Variants in EVC2 observed in about 807,000 individuals in gnomAD.
The protein encoded by EVC2 is limbin.
EVC2 carries 148 observed loss-of-function variants against 149.3 expected under a neutral mutation model. That is an observed-to-expected ratio of 0.99 (90% CI 0.87 to 1.14). The LOEUF (loss-of-function observed/expected upper bound fraction) is 1.14. Among genes scored for constraint, EVC2 ranks in the 50% most tolerant of loss-of-function variants. The pLI is 0.00. For synonymous variants in EVC2, 776 were observed against 649.9 expected (o/e 1.19, Z -2.95); for missense variants, 1,854 against 1,627.3 (o/e 1.14, Z -2.40).
At chr4:5,647,327 G>A (rs567040166) in intron 9 of EVC2, among the ~76,000 whole-genome samples, 1 of 152,272 alleles carries the variant, frequency 6.6e-6, no homozygotes, top group Admixed American at 6.5e-5. Flanking sequence ...ACTATGAAAT[G>A]GAAGATTTTT....
chr4:5,623,752 T>G (rs1384072913), intron 13 of EVC2, among the ~76,000 whole-genome samples: 1 of 152,170 alleles, frequency 6.6e-6, no homozygotes, highest in Non-Finnish European at 1.5e-5. Flanking sequence ...TGGGTTCCAG[T>G]CCTGGCTCCT....
downstream of EVC2, among the ~76,000 whole-genome samples, chr4:5,560,413 C>T (rs572094292): frequency 1.1e-3 from 166 of 152,234 alleles, no homozygotes; most frequent in African/African-American, 3.9e-3. The surrounding 1 kb of genome is among the most constrained non-coding windows in gnomAD (Gnocchi z 4.1). Flanking sequence ...TGGCAGAAGG[C>T]GAAGCGGAAG....
downstream of EVC2, among the ~76,000 whole-genome samples, chr4:5,540,705 G>C (rs1721495571): frequency 6.6e-6 from 1 of 152,204 alleles, no homozygotes; most frequent in Admixed American, 6.5e-5. Flanking sequence ...AGGAAATTTT[G>C]GGGGAGGATG....
chr4:5,689,217 C>T lies in EVC2; in HGVS notation c.646G>A (p.Asp216Asn), dbSNP rs769530661. The change falls in exon 5 of 22, where the codon GAC becomes AAC. Residue 216 changes from aspartate (D) to asparagine (N), a missense_variant. By Grantham distance (23) the Asp-to-Asn change is conservative. Transcript: ENST00000344408. ...TCCGAGGTCCTGTTTCCCACAGAGTCCCAAATGGTGAGACCAGCAATGCTG... is the reference window on the plus strand; with the variant it reads ...TCCGAGGTCCTGTTTCCCACAGAGTTCCAAATGGTGAGACCAGCAATGCTG... ...LDSIAGLTIW[D>N]SVGNRTSEGF... 65 of 1,614,116 alleles carry T rather than the reference C, an allele frequency of 4.0e-5. No individual in the cohort carries two copies. The South Asian group carries it at 7.0e-4, about 17-fold the overall frequency.
chr4:5,649,360 C>T (rs1475415427), intron 9 of EVC2, among the ~76,000 whole-genome samples: 1 of 152,196 alleles, frequency 6.6e-6, no homozygotes, highest in Non-Finnish European at 1.5e-5. Context: ...ACACAGGAAG[C>T]ACTTACTAAA....
intron 11 of EVC2, among the ~76,000 whole-genome samples, chr4:5,631,305 G>A (rs1716511815): frequency 6.6e-6 from 1 of 152,140 alleles, no homozygotes; most frequent in Admixed American, 6.5e-5. Context: ...ATGGCTCACT[G>A]TAGCCTCAAC....
At chr4:5,664,920 T>C (rs939215736) in intron 8 of EVC2, among the ~76,000 whole-genome samples, 2 of 150,958 alleles carry the variant, frequency 1.3e-5, no homozygotes, top group Non-Finnish European at 3.0e-5. Flanking sequence ...GGGGTGCGTG[T>C]GGGTGACGGG....
At chr4:5,646,804 G>A (rs897785523) in intron 9 of EVC2, among the ~76,000 whole-genome samples, 3 of 152,178 alleles carry the variant, frequency 2.0e-5, no homozygotes, top group East Asian at 1.9e-4. Context: ...CTAAGAGGAT[G>A]AACATCAAAT....
chr4:5,558,004 T>C (rs977634507), downstream of EVC2, among the ~76,000 whole-genome samples: 1 of 152,176 alleles, frequency 6.6e-6, no homozygotes, highest in Admixed American at 6.5e-5. Flanking sequence ...CTATAGAATC[T>C]ATAGGTCTAT....
intron 21 of EVC2, among the ~76,000 whole-genome samples, chr4:5,554,335 T>G (rs1365882692): frequency 6.6e-6 from 1 of 152,154 alleles, no homozygotes; most frequent in African/African-American, 2.4e-5. Flanking sequence ...TTCATGGTCA[T>G]TTTGATGAAT....
intron 9 of EVC2, among the ~76,000 whole-genome samples, chr4:5,656,535 TA>T (rs748740390): frequency 8.5e-5 from 13 of 152,178 alleles, no homozygotes; most frequent in Non-Finnish European, 1.5e-4. Flanking sequence ...CAGTGAGCCC[TA>T]AACCCAGTCC....
intron 9 of EVC2, among the ~76,000 whole-genome samples, chr4:5,647,959 G>A (rs1267566057): frequency 6.6e-6 from 1 of 152,202 alleles, no homozygotes; most frequent in Non-Finnish European, 1.5e-5. Context: ...GTCAGTGAAT[G>A]TAGGCAGCAG....
At chr4:5,573,312 A>G (rs902607862) in intron 19 of EVC2, among the ~76,000 whole-genome samples, 8 of 152,220 alleles carry the variant, frequency 5.3e-5, no homozygotes, top group African/African-American at 1.9e-4. Flanking sequence ...GGTGGTTCCA[A>G]TATAATTACC....
At chr4:5,649,271 T>C (rs1258115307) in intron 9 of EVC2, among the ~76,000 whole-genome samples, 1 of 152,222 alleles carries the variant, frequency 6.6e-6, no homozygotes, top group Non-Finnish European at 1.5e-5. Context: ...ATATTTTCTC[T>C]GGCCAGTTTT....
rs1362540765 is a variant in EVC2 at position 5,692,893 on chromosome 4, A to G, written c.450+1442T>C. ...CGTCTCAAAAAAAAAAAAAAAAAGA[A>G]AAAAGAAAATTAACAAAAATGCCAT... On this transcript the variant is annotated intron_variant, in intron 3 of 21. Coordinates refer to ENST00000344408, the MANE Select transcript of EVC2 (RefSeq NM_147127.5). Among the ~76,000 whole-genome samples, 40 of 119,834 alleles carry G rather than the reference A, an allele frequency of 3.3e-4. 1 individual carries two copies. The highest frequency in any genetic ancestry group is 2.4e-3 in the Admixed American group (28 of 11,636). The allele number at this position is 119,834 out of a possible 152,430, so 78.6% of individuals were successfully genotyped here. A position where few individuals can be genotyped will look rare whatever the true frequency, so the allele number is the denominator to read the frequency against.
rs2108764626 is a variant in EVC2, at chr4:5,562,646, T to C, written c.*202A>G. ...AGAAGGAGTGTTTATGTCCTTGTGA[T>C]ATGGAAGAGAGTGGGCCATCTGGAA... On this transcript the variant is annotated 3_prime_UTR_variant, in exon 22 of 22. Transcript: ENST00000344408. The surrounding 1 kb of genome is among the most constrained non-coding windows in gnomAD (Gnocchi z 4.3). 4 of 1,442,878 alleles carry C rather than the reference T, an allele frequency of 2.8e-6. No individual in the cohort carries two copies. In the South Asian group the frequency reaches 4.4e-5, roughly 16 times the overall value. 89.4% of individuals were successfully genotyped at this position (1,442,878 alleles called of 1,614,324 possible).
chr4:5,647,379 T>G (rs1717795418), intron 9 of EVC2, among the ~76,000 whole-genome samples: 1 of 152,238 alleles, frequency 6.6e-6, no homozygotes, highest in African/African-American at 2.4e-5. Context: ...CTTTATTCTT[T>G]TTGATGCTCG....
At position 5,631,113 on chromosome 4, in the gene EVC2, G is replaced by A. The variant is rs552470195; in HGVS notation, c.1710+680C>T. Among the ~76,000 whole-genome samples, 343 of 152,224 alleles carry A rather than the reference G, an allele frequency of 2.3e-3. 8 individuals are homozygous for A. The South Asian group carries it at 0.049, about 22-fold the overall frequency. On this transcript the variant is annotated intron_variant, in intron 11 of 21. Transcript: ENST00000344408. The stretch of plus-strand genomic sequence containing the variant: ...TACCGCCTAAGAAATTATTTTGTTG[G>A]ACTAACAACATTCACACTCAAGCTG...
At chr4:5,683,146 G>T (rs1321585990) in intron 6 of EVC2, among the ~76,000 whole-genome samples, 1 of 152,216 alleles carries the variant, frequency 6.6e-6, no homozygotes, top group Non-Finnish European at 1.5e-5. Flanking sequence ...GAGGGAAATG[G>T]AACAGTTTTA....
Sources: gnomAD v4.1 joint callset for allele counts (sites outside exome capture counted in the v4.1 genomes callset) on GRCh38, gnomAD v4.1.1 for gene constraint, Gnocchi (gnomAD v3.1) non-coding constraint, MANE v1.5 for transcripts, NCBI Gene and HGNC (gene_info 2026-07-23, HGNC 2026-07-21) for gene names.